ARHGEF3: variants seen among roughly 807,000 people sequenced by gnomAD.
ARHGEF3 encodes the protein 59.8 kDA protein.
ARHGEF3 carries 28 observed loss-of-function variants against 63.2 expected under a neutral mutation model. That is an observed-to-expected ratio of 0.44 (90% CI 0.33 to 0.61). The LOEUF is 0.61. Among genes scored for constraint, ARHGEF3 ranks in the 20% least tolerant of loss-of-function variants. The pLI is 0.03. For missense variants in ARHGEF3, 533 were observed against 659.3 expected (o/e 0.81, Z 2.10); for synonymous variants, 266 against 254.2 (o/e 1.05, Z -0.44).
At chr3:57,060,145 C>T (rs942897264) in intron 1 of ARHGEF3, among the ~76,000 whole-genome samples, 1 of 151,908 alleles carries the variant, frequency 6.6e-6, no homozygotes, top group Non-Finnish European at 1.5e-5. Context: ...CATAGCGAGA[C>T]CCCATCTCTA....
chr3:56,734,456 A>G (rs1286324057), intron 8 of ARHGEF3, among the ~76,000 whole-genome samples: 2 of 152,166 alleles, frequency 1.3e-5, no homozygotes, highest in African/African-American at 4.8e-5. Context: ...AAGGGCTGAA[A>G]AACTTCCTAT....
At chr3:56,739,284 A>G (rs1468794396) in intron 7 of ARHGEF3, among the ~76,000 whole-genome samples, 1 of 152,180 alleles carries the variant, frequency 6.6e-6, no homozygotes, top group African/African-American at 2.4e-5. Context: ...AGAAAAGCCA[A>G]TCTCTGAAAA....
intron 3 of ARHGEF3, chr3:56,940,788 G>A (rs187408524): frequency 1.3e-5 from 2 of 152,226 alleles, no homozygotes; most frequent in East Asian, 1.9e-4. Flanking sequence ...AATATTTTCT[G>A]CGCTTACCTA....
chr3:56,933,668 G>C (rs1387881399), intron 3 of ARHGEF3, among the ~76,000 whole-genome samples: 1 of 152,100 alleles, frequency 6.6e-6, no homozygotes, highest in Non-Finnish European at 1.5e-5. Context: ...GGGTTCACCC[G>C]CCTTGGCCTC....
intron 2 of ARHGEF3, among the ~76,000 whole-genome samples, chr3:56,982,814 C>T (rs560456260): frequency 6.6e-6 from 1 of 152,178 alleles, no homozygotes; most frequent in East Asian, 1.9e-4. Flanking sequence ...CCTGGCTGTC[C>T]TTCCTCCTCT....
chr3:56,884,373 A>G (rs2040856154), intron 3 of ARHGEF3, among the ~76,000 whole-genome samples: 2 of 152,216 alleles, frequency 1.3e-5, no homozygotes, highest in Non-Finnish European at 2.9e-5. Flanking sequence ...TTTGTCAGAC[A>G]CAGATGGGGA....
At chr3:56,864,778 T>G (rs1171152409) in intron 4 of ARHGEF3, among the ~76,000 whole-genome samples, 1 of 152,226 alleles carries the variant, frequency 6.6e-6, no homozygotes, top group Non-Finnish European at 1.5e-5. Flanking sequence ...CAGGAAGCTA[T>G]GCAATGATCA....
chr3:56,923,911 G>GT (rs1470393174), intron 3 of ARHGEF3, among the ~76,000 whole-genome samples: 6 of 152,218 alleles, frequency 3.9e-5, no homozygotes, highest in Non-Finnish European at 7.3e-5. Context: ...CTCACCCAAG[G>GT]TAACTGGTCC....
chr3:56,924,563 T>A (rs931321062), intron 3 of ARHGEF3, among the ~76,000 whole-genome samples: 1 of 152,216 alleles, frequency 6.6e-6, no homozygotes, highest in Admixed American at 6.5e-5. Flanking sequence ...TACAGTTATT[T>A]CTTGATTATA....
intron 1 of ARHGEF3, among the ~76,000 whole-genome samples, chr3:56,790,815 C>T (rs2037043179): frequency 6.6e-6 from 1 of 152,214 alleles, no homozygotes; most frequent in African/African-American, 2.4e-5. Flanking sequence ...CTTTCTGCCA[C>T]TAGCTTGTTC....
chr3:56,923,169 A>C lies in ARHGEF3; in HGVS notation c.129+35654T>G, dbSNP rs1006968974. On this transcript the variant is annotated intron_variant, in intron 3 of 12. Coordinates refer to the ARHGEF3 transcript ENST00000338458. ...CTTGAACCCAGGAGGCAGAGGTTGC[A>C]GTGAGCCAAGATCGTGCCACTCCAG... Among the ~76,000 whole-genome samples the C allele has an allele frequency of 1.3e-3, 197 of 150,816 alleles. 1 individual carries two copies. The highest frequency in any genetic ancestry group is 1.3e-4 in the Non-Finnish European group (9 of 67,856).
At chr3:56,846,031 CTG>C (rs758002640) in intron 4 of ARHGEF3, among the ~76,000 whole-genome samples, 21 of 152,308 alleles carry the variant, frequency 1.4e-4, no homozygotes, top group Non-Finnish European at 2.5e-4. Context: ...TTAAGGATCT[CTG>C]TGTTACCCTT....
chr3:56,888,925 C>T (rs1464164564), intron 3 of ARHGEF3, among the ~76,000 whole-genome samples: 1 of 149,254 alleles, frequency 6.7e-6, no homozygotes, highest in Admixed American at 6.7e-5. Context: ...AAAACAAAAA[C>T]AAAAAACAAA....
At chr3:56,913,852 AC>A (rs1212289727) in intron 3 of ARHGEF3, among the ~76,000 whole-genome samples, 5 of 152,220 alleles carry the variant, frequency 3.3e-5, no homozygotes, top group African/African-American at 1.2e-4. Context: ...GTTTATAGCA[AC>A]ACAATTCGCA....
intron 3 of ARHGEF3, among the ~76,000 whole-genome samples, chr3:56,944,038 T>C (rs1172159847): frequency 6.6e-6 from 1 of 151,962 alleles, no homozygotes; most frequent in Non-Finnish European, 1.5e-5. Context: ...TAGCCAGGCA[T>C]GATGGCGGGC....
upstream of ARHGEF3, among the ~76,000 whole-genome samples, chr3:56,802,357 A>G (rs1043903805): frequency 6.6e-6 from 1 of 152,140 alleles, no homozygotes; most frequent in African/African-American, 2.4e-5. Context: ...AAAAGCCCAC[A>G]TTAGAAAGGG....
At chr3:56,987,476 G>A (rs1031169688) in intron 2 of ARHGEF3, among the ~76,000 whole-genome samples, 2 of 152,158 alleles carry the variant, frequency 1.3e-5, no homozygotes, top group Non-Finnish European at 2.9e-5. Flanking sequence ...GGAGGCTCCA[G>A]GCCCAATCTG....
At chr3:56,894,582 G>A (rs1385627592) in intron 3 of ARHGEF3, among the ~76,000 whole-genome samples, 1 of 152,006 alleles carries the variant, frequency 6.6e-6, no homozygotes, top group African/African-American at 2.4e-5. Context: ...TTGAACCCAG[G>A]AGTTTGAGAC....
chr3:56,829,520 C>T (rs1293019648), intron 4 of ARHGEF3, among the ~76,000 whole-genome samples: 1 of 152,140 alleles, frequency 6.6e-6, no homozygotes, highest in Admixed American at 6.5e-5. Context: ...CGAGAATCTG[C>T]CTACAGTGGA....
Sources: allele counts gnomAD v4.1 joint callset (sites outside exome capture counted in the v4.1 genomes callset), GRCh38; gene constraint gnomAD v4.1.1; transcripts MANE v1.5; gene names NCBI Gene and HGNC (gene_info 2026-07-23, HGNC 2026-07-21).